Variants in GFRA1 observed in about 807,000 individuals in gnomAD.
GFRA1 encodes the protein GDNF family receptor alpha-1.
In GFRA1, 16 loss-of-function variants were observed where a neutral mutation model predicts 51.6. The ratio of observed to expected loss-of-function variants is 0.31; its 90% CI spans 0.21 to 0.47. GFRA1 has a LOEUF of 0.47. GFRA1 is among the 20% of genes least tolerant of loss of function. GFRA1 has a pLI of 1.00. For missense variants in GFRA1, 530 were observed against 594.3 expected, an observed-to-expected ratio of 0.89 and a Z score of 1.13; for synonymous variants, 270 against 241.3, an observed-to-expected ratio of 1.12 and a Z score of -1.10.
intron 4 of GFRA1, among the ~76,000 whole-genome samples, chr10:116,230,371 T>C (rs758812147): frequency 1.3e-5 from 2 of 152,222 alleles, no homozygotes; most frequent in Non-Finnish European, 2.9e-5. Context: ...ATCACAGTGA[T>C]AGCAAATGAA....
chr10:116,092,504 G>C (rs901108091), intron 8 of GFRA1, among the ~76,000 whole-genome samples: 3 of 152,104 alleles, frequency 2.0e-5, no homozygotes, highest in Non-Finnish European at 4.4e-5. Context: ...TCTCAGAGGG[G>C]TGGGTGGCTG....
intron 5 of GFRA1, among the ~76,000 whole-genome samples, chr10:116,143,825 A>G (rs1306441914): frequency 6.6e-6 from 1 of 152,200 alleles, no homozygotes; most frequent in Non-Finnish European, 1.5e-5. Context: ...GGGCTGTAAT[A>G]TAAGGCTCAA....
intron 5 of GFRA1, among the ~76,000 whole-genome samples, chr10:116,159,767 G>T (rs1465792988): frequency 2.0e-5 from 3 of 152,178 alleles, no homozygotes; most frequent in African/African-American, 7.2e-5. Flanking sequence ...TGGGCCACAG[G>T]TGACCACACA....
intron 5 of GFRA1, among the ~76,000 whole-genome samples, chr10:116,149,197 C>T (rs1958960662): frequency 6.6e-6 from 1 of 152,152 alleles, no homozygotes; most frequent in African/African-American, 2.4e-5. Context: ...TAGGGTATAA[C>T]AATGAAGTCA....
chr10:116,267,186 C>T (rs1969726618), intron 4 of GFRA1, among the ~76,000 whole-genome samples: 1 of 152,018 alleles, frequency 6.6e-6, no homozygotes, highest in Non-Finnish European at 1.5e-5. Context: ...CCATTGCGGG[C>T]AGGCACGGTG....
chr10:116,187,359 T>A (rs187590271), intron 5 of GFRA1, among the ~76,000 whole-genome samples: 6 of 152,236 alleles, frequency 3.9e-5, no homozygotes, highest in Admixed American at 3.9e-4. Flanking sequence ...GCCCCTGATG[T>A]CACCTGCCTG....
At chr10:116,204,027 C>T (rs2134402726) in intron 5 of GFRA1, among the ~76,000 whole-genome samples, 1 of 152,174 alleles carries the variant, frequency 6.6e-6, no homozygotes, top group African/African-American at 2.4e-5. Context: ...GGGCATGCAA[C>T]AAACTTGTAC....
At chr10:116,234,635 T>C (rs566144540) in intron 4 of GFRA1, among the ~76,000 whole-genome samples, 15 of 152,296 alleles carry the variant, frequency 9.8e-5, no homozygotes, top group African/African-American at 3.6e-4. Flanking sequence ...ATAATGTAAA[T>C]TACATTACAT....
intron 5 of GFRA1, among the ~76,000 whole-genome samples, chr10:116,188,367 G>A (rs1375230195): frequency 6.6e-6 from 1 of 152,182 alleles, no homozygotes; most frequent in Admixed American, 6.5e-5. Flanking sequence ...GACACAAAAG[G>A]ACAAATAGTT....
intron 2 of GFRA1, 100 bp from the exon 3 acceptor site, chr10:116,271,215 A>C: frequency 1.0e-6 from 1 of 979,032 alleles, no homozygotes; most frequent in Non-Finnish European, 1.5e-6. Context: ...ATGCTTGACC[A>C]GCCTTCGGGG....
Position 116,082,281 on chromosome 10 carries a change from G to A in GFRA1, c.1197+7460C>T, listed in dbSNP as rs562754102. On this transcript the variant is annotated intron_variant, in intron 9 of 10. Transcript: ENST00000355422. ...CAGATGAAGCTCCCAGGAGATGTGC[G>A]GAGAGATGGAATTTGGATCAGTTCT... 3.3e-4 allele frequency among the ~76,000 whole-genome samples: 50 copies of A among 152,126 alleles called. No individual in the cohort carries two copies. In the South Asian group the frequency reaches 7.7e-3, roughly 23 times the overall value.
chr10:116,181,222 G>C (rs748749719), intron 5 of GFRA1, among the ~76,000 whole-genome samples: 3 of 152,202 alleles, frequency 2.0e-5, no homozygotes, highest in Non-Finnish European at 4.4e-5. Context: ...TTGTTGAAAA[G>C]CAGACATCAG....
At chr10:116,175,109 G>GT (rs1961455132) in intron 5 of GFRA1, among the ~76,000 whole-genome samples, 1 of 152,118 alleles carries the variant, frequency 6.6e-6, no homozygotes, top group African/African-American at 2.4e-5. Flanking sequence ...TAGAAACCCT[G>GT]TACATGGCAT....
At position 116,062,364 on chromosome 10, in the gene GFRA1, T is replaced by C. The variant is rs946932173; in HGVS notation, c.*2034A>G. 3.7e-5 allele frequency: 14 copies of C among 374,148 alleles called. No homozygotes were observed. Among genetic ancestry groups the C allele is most frequent in the African/African-American group, 2.9e-4 (14 of 48,220 alleles). The allele number at this position is 374,148 out of a possible 1,614,324, so 23.2% of individuals were successfully genotyped here. A position where few individuals can be genotyped will look rare whatever the true frequency, so the allele number is the denominator to read the frequency against. On this transcript the variant is annotated 3_prime_UTR_variant, in exon 11 of 11. Coordinates refer to ENST00000355422, the MANE Select transcript of GFRA1 (RefSeq NM_005264.8). ...TGTGTTTATTCAAAGTAAGAGTCTT[T>C]ATAGATCTTTTCACTAATTAAATAC... is the stretch of plus-strand genomic sequence containing the variant.
At chr10:116,144,515 A>G (rs1392230070) in intron 5 of GFRA1, among the ~76,000 whole-genome samples, 1 of 152,128 alleles carries the variant, frequency 6.6e-6, no homozygotes, top group Non-Finnish European at 1.5e-5. Context: ...CTAAAGAAGC[A>G]AATACACCCA....
intron 5 of GFRA1, among the ~76,000 whole-genome samples, chr10:116,139,768 G>A (rs142148384): frequency 3.1e-4 from 47 of 152,348 alleles, no homozygotes; most frequent in African/African-American, 9.6e-4. Flanking sequence ...GTGGGGAAGC[G>A]ATAGAGGGCT....
intron 5 of GFRA1, among the ~76,000 whole-genome samples, chr10:116,163,235 C>T (rs1387899510): frequency 6.6e-6 from 1 of 152,202 alleles, no homozygotes; most frequent in Non-Finnish European, 1.5e-5. Context: ...TCCATTAACA[C>T]ATATGATTTG....
chr10:116,259,317 T>C (rs1286846806), intron 4 of GFRA1, among the ~76,000 whole-genome samples: 3 of 101,492 alleles, frequency 3.0e-5, no homozygotes, highest in Non-Finnish European at 5.6e-5. Context: ...GACTCAACTA[T>C]GTATTCCTTT....
At position 116,220,061 on chromosome 10, in the gene GFRA1, A is replaced by G. The variant is rs76572179; in HGVS notation, c.419-8416T>C. On this transcript the variant is annotated intron_variant, in intron 4 of 10. Transcript: ENST00000355422. ...ATTGTATCAAATGGACTCTTACTGC[A>G]CATAGCTTATTTGTAATCTTATGCA... Among the ~76,000 whole-genome samples the G allele has an allele frequency of 9.0e-3, 1,372 of 152,346 alleles. 15 individuals carry two copies. The highest frequency in any genetic ancestry group is 0.031 in the African/African-American group (1,283 of 41,578).
Sources: allele counts gnomAD v4.1 joint callset (sites outside exome capture counted in the v4.1 genomes callset), GRCh38; gene constraint gnomAD v4.1.1; transcripts MANE v1.5; gene names NCBI Gene and HGNC (gene_info 2026-07-23, HGNC 2026-07-21).